SCAPER: variants seen among roughly 807,000 people sequenced by gnomAD.
The protein encoded by SCAPER is S phase cyclin A-associated protein in the endoplasmic reticulum.
SCAPER carries 98 observed loss-of-function variants against 182.2 expected under a neutral mutation model. The observed-to-expected ratio is 0.54, with a 90% confidence interval of 0.46 to 0.64. The LOEUF is 0.64. SCAPER is among the 30% of genes least tolerant of loss of function. The probability of loss-of-function intolerance (pLI) is 0.00; values close to 1 mark genes in which losing one functional copy is unlikely to be tolerated. For synonymous variants in SCAPER, 605 were observed against 564.6 expected, an observed-to-expected ratio of 1.07 and a Z score of -1.01; for missense variants, 1,432 against 1,690.0, an observed-to-expected ratio of 0.85 and a Z score of 2.68.
intron 2 of SCAPER, among the ~76,000 whole-genome samples, chr15:76,879,192 A>T (rs1425993601): frequency 1.3e-5 from 2 of 152,210 alleles, no homozygotes; most frequent in African/African-American, 4.8e-5. Context: ...CAGGACATTT[A>T]CACAGAATTC....
intron 21 of SCAPER, among the ~76,000 whole-genome samples, chr15:76,623,722 CT>C (rs2052315605): frequency 6.6e-6 from 1 of 152,192 alleles, no homozygotes; most frequent in South Asian, 2.1e-4. Context: ...ATTGCTTTGG[CT>C]CTTCAGGCTC....
At chr15:76,642,413 T>G (rs74024164) in intron 21 of SCAPER, among the ~76,000 whole-genome samples, 7,329 of 152,276 alleles carry the variant, frequency 0.048, 522 homozygotes, top group African/African-American at 0.15. Context: ...AAGTTAAAAG[T>G]ACAATTTTTA....
chr15:76,644,238 GCAGCTGTGAGAATT>G (rs2054354566), intron 21 of SCAPER, among the ~76,000 whole-genome samples: 1 of 152,106 alleles, frequency 6.6e-6, no homozygotes, highest in African/African-American at 2.4e-5. Flanking sequence ...GAATACAGAA[GCAGCTGTGAGAATT>G]CAGCTGTCTT....
chr15:76,877,614 C>G (rs1374825360), intron 2 of SCAPER, among the ~76,000 whole-genome samples: 1 of 152,184 alleles, frequency 6.6e-6, no homozygotes, highest in Non-Finnish European at 1.5e-5. Context: ...GAGGACACAT[C>G]GTCATTCGTG....
intron 2 of SCAPER, among the ~76,000 whole-genome samples, chr15:76,878,690 G>C (rs2073343341): frequency 6.6e-6 from 1 of 152,074 alleles, no homozygotes; most frequent in African/African-American, 2.4e-5. Flanking sequence ...GACTTTGGGA[G>C]GCCAAGGCAG....
At chr15:76,626,444 CG>C (rs1233590156) in intron 21 of SCAPER, among the ~76,000 whole-genome samples, 2 of 152,204 alleles carry the variant, frequency 1.3e-5, no homozygotes, top group African/African-American at 4.8e-5. Flanking sequence ...CAGCCACGTT[CG>C]GTGGCTCACG....
At chr15:76,713,392 T>C (rs945312783) in intron 17 of SCAPER, among the ~76,000 whole-genome samples, 10 of 151,970 alleles carry the variant, frequency 6.6e-5, no homozygotes, top group East Asian at 5.8e-4. Context: ...ATGTCCAACA[T>C]TGATAGACTG....
intron 24 of SCAPER, among the ~76,000 whole-genome samples, chr15:76,479,530 T>C (rs150788467): frequency 1.4e-3 from 209 of 152,312 alleles, no homozygotes; most frequent in African/African-American, 5.0e-3. Context: ...GTCTTTTCAC[T>C]GAAAATGTTT....
intron 26 of SCAPER, among the ~76,000 whole-genome samples, chr15:76,432,450 G>T (rs2046931329): frequency 6.6e-6 from 1 of 152,218 alleles, no homozygotes; most frequent in South Asian, 2.1e-4. Flanking sequence ...CAAGAAAGCA[G>T]AAGAAATTTA....
intron 20 of SCAPER, among the ~76,000 whole-genome samples, chr15:76,674,200 T>C (rs910806735): frequency 6.6e-6 from 1 of 152,176 alleles, no homozygotes; most frequent in African/African-American, 2.4e-5. Context: ...TATCTATTAA[T>C]TAGTGGATCT....
At chr15:76,399,695 G>A (rs1201501430) in intron 27 of SCAPER, among the ~76,000 whole-genome samples, 1 of 152,076 alleles carries the variant, frequency 6.6e-6, no homozygotes, top group African/African-American at 2.4e-5. Context: ...CATCCAAATC[G>A]TGTTTCGGAA....
chr15:76,861,711 A>T (rs554505447), intron 3 of SCAPER: 41 of 152,298 alleles, frequency 2.7e-4, no homozygotes, highest in African/African-American at 6.5e-4. Flanking sequence ...TATGATTTTT[A>T]AAAAACCTCC....
intron 22 of SCAPER, among the ~76,000 whole-genome samples, chr15:76,575,212 T>G (rs1363487543): frequency 1.3e-5 from 2 of 152,172 alleles, no homozygotes; most frequent in Non-Finnish European, 2.9e-5. Flanking sequence ...ACTGGCAGAC[T>G]TTTCCATTTC....
chr15:76,735,060 C>T (rs2061162910), intron 15 of SCAPER, among the ~76,000 whole-genome samples: 1 of 152,020 alleles, frequency 6.6e-6, no homozygotes, highest in African/African-American at 2.4e-5. Flanking sequence ...AACAACTCAA[C>T]CTTGGCAGGG....
intron 17 of SCAPER, among the ~76,000 whole-genome samples, chr15:76,710,114 C>T (rs1450250849): frequency 6.6e-6 from 1 of 151,994 alleles, no homozygotes; most frequent in African/African-American, 2.4e-5. Flanking sequence ...ACAAGGACAC[C>T]CAACATCACA....
At chr15:76,783,272 A>G (rs2064304424) in intron 8 of SCAPER, among the ~76,000 whole-genome samples, 1 of 152,232 alleles carries the variant, frequency 6.6e-6, no homozygotes, top group African/African-American at 2.4e-5. Flanking sequence ...CAAATAAACT[A>G]GAAAATCTAG....
intron 4 of SCAPER, among the ~76,000 whole-genome samples, chr15:76,844,759 G>T (rs1476856589): frequency 6.6e-6 from 1 of 152,014 alleles, no homozygotes; most frequent in Admixed American, 6.6e-5. Flanking sequence ...GGCCCTGAAG[G>T]CTTCACTGCT....
intron 22 of SCAPER, among the ~76,000 whole-genome samples, chr15:76,613,665 C>T (rs2051197300): frequency 6.6e-6 from 1 of 152,186 alleles, no homozygotes; most frequent in African/African-American, 2.4e-5. Flanking sequence ...AAAAGTTCCA[C>T]ATCACTGATC....
intron 21 of SCAPER, among the ~76,000 whole-genome samples, chr15:76,636,424 G>T (rs75459397): frequency 1.8e-3 from 272 of 150,830 alleles, no homozygotes; most frequent in African/African-American, 6.5e-3. Flanking sequence ...CCCTTTCCCT[G>T]GGAAATAGTG....
Sources: allele counts gnomAD v4.1 joint callset (sites outside exome capture counted in the v4.1 genomes callset), GRCh38; gene constraint gnomAD v4.1.1; transcripts MANE v1.5; gene names NCBI Gene and HGNC (gene_info 2026-07-23, HGNC 2026-07-21).